The following PHACTR4 variants were observed in gnomAD, a reference collection of about 807,000 sequenced individuals.
The protein encoded by PHACTR4 is phosphatase and actin regulator 4, also known as protein phosphatase 1, regulatory subunit 124.
In PHACTR4, 51 loss-of-function variants were observed where a neutral mutation model predicts 72.7. The observed-to-expected ratio is 0.70, with a 90% CI of 0.56 to 0.89. PHACTR4 has a LOEUF of 0.89. Ranked by LOEUF, PHACTR4 falls within the 40% of genes least tolerant of loss-of-function variation. PHACTR4 has a pLI of 0.00. For synonymous variants in PHACTR4, 255 were observed against 302.5 expected (o/e 0.84, Z 1.63); for missense variants, 731 against 861.8 (o/e 0.85, Z 1.90).
intron 1 of PHACTR4, among the ~76,000 whole-genome samples, chr1:28,394,092 A>G (rs1408350817): frequency 6.6e-6 from 1 of 152,150 alleles, no homozygotes; most frequent in Non-Finnish European, 1.5e-5. Context: ...CACTGTTATC[A>G]TAGGAGATGA....
chr1:28,397,776 A>T (rs889191874), intron 1 of PHACTR4, among the ~76,000 whole-genome samples: 1 of 151,060 alleles, frequency 6.6e-6, no homozygotes, highest in East Asian at 1.9e-4. Flanking sequence ...GCTCACTGCA[A>T]CCTCCACCTC....
chr1:28,445,437 C>T (rs985770647), intron 2 of PHACTR4, among the ~76,000 whole-genome samples: 32 of 152,172 alleles, frequency 2.1e-4, no homozygotes, highest in African/African-American at 6.0e-4. Context: ...AAATTCTCTC[C>T]AACCATTTGG....
At chr1:28,481,890 A>G (rs147487292) in intron 9 of PHACTR4, among the ~76,000 whole-genome samples, 71 of 151,744 alleles carry the variant, frequency 4.7e-4, no homozygotes, top group African/African-American at 1.6e-3. Flanking sequence ...TGCCTGTGAG[A>G]GTTTTATTTT....
intron 1 of PHACTR4, among the ~76,000 whole-genome samples, chr1:28,389,185 A>G (rs1007452839): frequency 2.6e-5 from 4 of 152,150 alleles, no homozygotes; most frequent in Admixed American, 6.6e-5. Flanking sequence ...TAAAATGGGC[A>G]AAAGATCTGA....
intron 1 of PHACTR4, among the ~76,000 whole-genome samples, chr1:28,407,170 C>T (rs1248026065): frequency 6.6e-6 from 1 of 150,870 alleles, no homozygotes; most frequent in Non-Finnish European, 1.5e-5. Context: ...TGTTGTAATC[C>T]TCAAGAGGCT....
chr1:28,488,848 G>A (rs1329900332), intron 9 of PHACTR4, among the ~76,000 whole-genome samples: 3 of 152,172 alleles, frequency 2.0e-5, no homozygotes, highest in Non-Finnish European at 2.9e-5. Flanking sequence ...CCACCAGTTC[G>A]GTCCAAACCT....
intron 1 of PHACTR4, among the ~76,000 whole-genome samples, chr1:28,389,727 G>A (rs1395021024): frequency 6.6e-6 from 1 of 152,026 alleles, no homozygotes; most frequent in East Asian, 1.9e-4. Flanking sequence ...CGCCTGCCTC[G>A]GCCCCCCACC....
intron 9 of PHACTR4, among the ~76,000 whole-genome samples, chr1:28,484,445 GTTATA>G (rs967956575): frequency 6.6e-6 from 1 of 150,554 alleles, no homozygotes; most frequent in Admixed American, 6.7e-5. Flanking sequence ...CATAAATATA[GTTATA>G]TTTAATATAT....
rs1224694898 is a variant in PHACTR4, at chr1:28,489,203, A to G, written c.1794A>G (p.Leu598=). The change falls in exon 10 of 14, where the codon CTA becomes CTG. Residue 598 remains leucine (L), a synonymous_variant. Transcript: ENST00000373839. ...RLSQRPTPEE[L]EQRNILQPKN... is the part of the protein sequence containing the mutation. ...GTCAAAGACCAACACCAGAAGAACTAGAACAACGCAATATATTGCAACGTG... is the reference window on the plus strand; with the variant it reads ...GTCAAAGACCAACACCAGAAGAACTGGAACAACGCAATATATTGCAACGTG... 2.5e-6 allele frequency: 4 copies of G among 1,612,848 alleles called. No homozygotes were observed. Among genetic ancestry groups the G allele is most frequent in the Non-Finnish European group, 8.5e-7 (1 of 1,179,232 alleles).
At chr1:28,425,824 T>A (rs1183366578) in intron 2 of PHACTR4, among the ~76,000 whole-genome samples, 2 of 152,242 alleles carry the variant, frequency 1.3e-5, no homozygotes, top group African/African-American at 4.8e-5. Context: ...TAGTCATCTC[T>A]TTGAGTCACT....
chr1:28,381,007 A>G (rs568352390), intron 1 of PHACTR4, among the ~76,000 whole-genome samples: 67 of 126,050 alleles, frequency 5.3e-4, no homozygotes, highest in African/African-American at 2.4e-3. Context: ...TTATTTTTTG[A>G]ATTTTTTTTT....
chr1:28,371,101 G>A (rs1322573928), intron 1 of PHACTR4, among the ~76,000 whole-genome samples: 2 of 152,114 alleles, frequency 1.3e-5, no homozygotes, highest in Non-Finnish European at 2.9e-5. Flanking sequence ...ATCAGCTTAA[G>A]GTAAAATTTG....
intron 2 of PHACTR4, among the ~76,000 whole-genome samples, chr1:28,431,789 C>A (rs1569929826): frequency 6.6e-6 from 1 of 152,216 alleles, no homozygotes; most frequent in African/African-American, 2.4e-5. Context: ...CAATTCATGG[C>A]TTCCTGATGA....
rs777666624 is a variant in PHACTR4 at position 28,466,618 on chromosome 1, G to A, written c.673G>A (p.Val225Ile). ...TSLAKTVNLSVTPSPAPRTLP... is the reference protein window; with the variant it reads ...TSLAKTVNLSITPSPAPRTLP... Reference sequence around the variant, plus strand: ...CCTTGCAAAGACTGTTAATCTCTCTGTCACCCCTTCCCCAGCACCCAGGAC... The same window carrying A: ...CCTTGCAAAGACTGTTAATCTCTCTATCACCCCTTCCCCAGCACCCAGGAC... The change falls in exon 6 of 14, where the codon GTC becomes ATC. Residue 225 changes from valine (V) to isoleucine (I), a missense_variant. Transcript: ENST00000373839. The A allele has an allele frequency of 1.9e-5, 31 of 1,613,866 alleles. No homozygotes were observed. Among genetic ancestry groups the A allele is most frequent in the Non-Finnish European group, 2.5e-5 (30 of 1,179,958 alleles).
chr1:28,420,613 T>C (rs1237774116), intron 2 of PHACTR4, among the ~76,000 whole-genome samples: 1 of 152,176 alleles, frequency 6.6e-6, no homozygotes, highest in Non-Finnish European at 1.5e-5. Flanking sequence ...CACTCCAGCC[T>C]GGGTGACAGG....
intron 1 of PHACTR4, among the ~76,000 whole-genome samples, chr1:28,389,461 G>A (rs1034828707): frequency 3.3e-5 from 5 of 149,396 alleles, no homozygotes; most frequent in Admixed American, 1.3e-4. Context: ...TGGTGGAAAT[G>A]TAAATTTGTA....
At chr1:28,401,187 CAA>C (rs1308651927) in intron 1 of PHACTR4, among the ~76,000 whole-genome samples, 1 of 149,352 alleles carries the variant, frequency 6.7e-6, no homozygotes, top group South Asian at 2.1e-4. Flanking sequence ...GAAAGGGAAA[CAA>C]AGAGTTTCAA....
chr1:28,473,886 C>T lies in PHACTR4; in HGVS notation c.1156C>T (p.Gln386Ter). The change falls in exon 7 of 14, where the codon CAG becomes TAG. Residue 386 changes from glutamine (Q) to a stop codon, truncating the protein, a stop_gained. Coordinates refer to ENST00000373839, the MANE Select transcript of PHACTR4 (RefSeq NM_001048183.3). LOFTEE classifies it high-confidence loss of function. ...CTTAGATCTACACCAGGAGATTCCC[C>T]AGCAGGAAGATCAGAAAAAGGAAGT... Reference protein sequence around the residue: ...PSLDLHQEIPQQEDQKKEVPK... With the variant: ...PSLDLHQEIP 2.5e-6 allele frequency: 4 copies of T among 1,614,088 alleles called. No individual in the cohort carries two copies. The South Asian group carries it at 4.4e-5, about 18-fold the overall frequency.
At chr1:28,441,067 C>T (rs1383932672) in intron 2 of PHACTR4, among the ~76,000 whole-genome samples, 1 of 152,090 alleles carries the variant, frequency 6.6e-6, no homozygotes, top group Non-Finnish European at 1.5e-5. Context: ...TACTTTCAGG[C>T]ACTGTGAATA....
Sources: allele counts gnomAD v4.1 joint callset (sites outside exome capture counted in the v4.1 genomes callset), GRCh38; gene constraint gnomAD v4.1.1; transcripts MANE v1.5; gene names NCBI Gene and HGNC (gene_info 2026-07-23, HGNC 2026-07-21).